Variants in CFAP95 observed in about 807,000 individuals in gnomAD.
The protein encoded by CFAP95 is cilia and flagella associated protein 95, also known as cilia- and flagella-associated protein 95.
At chr9:69,826,300 G>A in the CFAP95 span, among the ~76,000 whole-genome samples, 3 of 152,282 alleles carry the variant, frequency 2.0e-5, no homozygotes, top group South Asian at 6.2e-4. Flanking sequence ...AAATAGAAAA[G>A]AGAGTGTCTG....
the CFAP95 span, among the ~76,000 whole-genome samples, chr9:69,834,591 C>G: frequency 4.0e-3 from 602 of 152,244 alleles, 6 homozygotes; most frequent in African/African-American, 0.014. Flanking sequence ...CTGTTGTATT[C>G]CTTTTGATTC....
At chr9:69,889,761 A>G in the CFAP95 span, among the ~76,000 whole-genome samples, 1 of 152,208 alleles carries the variant, frequency 6.6e-6, no homozygotes, top group African/African-American at 2.4e-5. Context: ...CTGTAACATT[A>G]GAAGTAGCAT....
At chr9:69,886,811 C>G in the CFAP95 span, 4 of 1,583,734 alleles carry the variant, frequency 2.5e-6, no homozygotes, top group South Asian at 4.5e-5. Flanking sequence ...TGAAGTCATT[C>G]TTTCCTCATT....
At chr9:69,891,836 A>C in the CFAP95 span, among the ~76,000 whole-genome samples, 1 of 152,194 alleles carries the variant, frequency 6.6e-6, no homozygotes, top group South Asian at 2.1e-4. Context: ...ACCCTCCTGA[A>C]ATTATTACTA....
At chr9:69,905,452 A>G in the CFAP95 span, among the ~76,000 whole-genome samples, 4 of 152,196 alleles carry the variant, frequency 2.6e-5, no homozygotes, top group African/African-American at 9.6e-5. Flanking sequence ...AACATCTTAA[A>G]CACTACACTG....
chr9:69,857,975 A>G, the CFAP95 span: 1 of 1,613,674 alleles, frequency 6.2e-7, no homozygotes, highest in Non-Finnish European at 8.5e-7. Context: ...ATTGGAGCAA[A>G]ATGTTAGTAG....
At chr9:69,843,619 T>TTCGTCTTCG in the CFAP95 span, among the ~76,000 whole-genome samples, 6 of 57,788 alleles carry the variant, frequency 1.0e-4, 1 homozygote, top group Non-Finnish European at 1.5e-4. Flanking sequence ...CTTCTTCTTC[T>TTCGTCTTCG]TCTTCTTCTT....
At chr9:69,856,789 TTTG>T in the CFAP95 span, 2 of 575,390 alleles carry the variant, frequency 3.5e-6, no homozygotes, top group East Asian at 5.9e-5. Context: ...ATCAAGCACA[TTTG>T]TCTCAAGCTT....
At chr9:69,868,922 G>A in the CFAP95 span, among the ~76,000 whole-genome samples, 7 of 151,904 alleles carry the variant, frequency 4.6e-5, no homozygotes, top group Non-Finnish European at 7.4e-5. Flanking sequence ...TAATTACCAG[G>A]CAAATATAAA....
the CFAP95 span, among the ~76,000 whole-genome samples, chr9:69,872,947 G>T: frequency 6.6e-6 from 1 of 152,188 alleles, no homozygotes; most frequent in African/African-American, 2.4e-5. Context: ...ACTTACAGAA[G>T]AATGGTCTTG....
the CFAP95 span, among the ~76,000 whole-genome samples, chr9:69,855,813 G>A: frequency 2.6e-5 from 4 of 152,094 alleles, no homozygotes; most frequent in Non-Finnish European, 5.9e-5. Flanking sequence ...CTAAAGAGTG[G>A]TCTCTCTTTA....
chr9:69,872,742 T>C, the CFAP95 span, among the ~76,000 whole-genome samples: 1 of 152,090 alleles, frequency 6.6e-6, no homozygotes, highest in Non-Finnish European at 1.5e-5. Flanking sequence ...CCCAGCATGT[T>C]GAGAGGTTGA....
the CFAP95 span, among the ~76,000 whole-genome samples, chr9:69,866,711 A>C: frequency 1.3e-5 from 2 of 152,252 alleles, no homozygotes; most frequent in African/African-American, 4.8e-5. Flanking sequence ...TGGCCCAGTT[A>C]TGTTGACACA....
At chr9:69,833,205 C>G in the CFAP95 span, among the ~76,000 whole-genome samples, 1 of 152,166 alleles carries the variant, frequency 6.6e-6, no homozygotes, top group East Asian at 1.9e-4. Flanking sequence ...CCTCGAGCCA[C>G]AGGCAACCAC....
the CFAP95 span, chr9:69,844,375 T>C: frequency 3.9e-6 from 2 of 510,696 alleles, no homozygotes; most frequent in Non-Finnish European, 6.7e-6. Context: ...AGATGGAAAA[T>C]ACTTTATATG....
At chr9:69,838,181 G>C in the CFAP95 span, among the ~76,000 whole-genome samples, 1 of 152,130 alleles carries the variant, frequency 6.6e-6, no homozygotes, top group Non-Finnish European at 1.5e-5. Context: ...CTCCAGCTTT[G>C]TTCTTTTGGC....
the CFAP95 span, among the ~76,000 whole-genome samples, chr9:69,863,689 C>T: frequency 2.1e-3 from 322 of 152,176 alleles, 2 homozygotes; most frequent in African/African-American, 7.2e-3. Context: ...ATTAAACAAG[C>T]GATCAGAAAC....
chr9:69,858,543 G>C, the CFAP95 span, among the ~76,000 whole-genome samples: 1 of 152,190 alleles, frequency 6.6e-6, no homozygotes, highest in Non-Finnish European at 1.5e-5. Context: ...GAAAACACAT[G>C]TGTTAGACAA....
the CFAP95 span, among the ~76,000 whole-genome samples, chr9:69,831,245 C>G: frequency 6.6e-6 from 1 of 151,674 alleles, no homozygotes; most frequent in Non-Finnish European, 1.5e-5. Flanking sequence ...AATAATTTAG[C>G]CTCCTTTTAT....
Sources: gnomAD v4.1 joint callset for allele counts (sites outside exome capture counted in the v4.1 genomes callset) on GRCh38, gnomAD v4.1.1 for gene constraint, MANE v1.5 for transcripts, NCBI Gene and HGNC (gene_info 2026-07-23, HGNC 2026-07-21) for gene names.